The following PEAK1 variants were observed in gnomAD, a reference collection of about 807,000 sequenced individuals.
PEAK1 encodes the protein pseudopodium enriched atypical kinase 1, also known as inactive tyrosine-protein kinase PEAK1.
PEAK1 carries 54 observed loss-of-function variants against 124.7 expected under a neutral mutation model. The observed-to-expected ratio is 0.43, with a 90% CI of 0.35 to 0.54. The LOEUF (loss-of-function observed/expected upper bound fraction) is 0.54. PEAK1 is among the 20% of genes least tolerant of loss of function. The pLI, the probability that PEAK1 is intolerant of heterozygous loss-of-function variation, is 0.01. For synonymous variants in PEAK1, 719 were observed against 760.0 expected, an observed-to-expected ratio of 0.95 and a Z score of 0.89; for missense variants, 2,046 against 2,134.5, an observed-to-expected ratio of 0.96 and a Z score of 0.82.
chr15:77,185,865 G>A (rs1204789893), intron 6 of PEAK1, among the ~76,000 whole-genome samples: 1 of 152,200 alleles, frequency 6.6e-6, no homozygotes, highest in Non-Finnish European at 1.5e-5. Flanking sequence ...TGTTAAAACT[G>A]TGCAGGTTTC....
In PEAK1 at chr15:77,158,465, C is replaced by A. The variant is rs368789986; in HGVS notation, c.3331+38G>T. The stretch of plus-strand genomic sequence containing the variant: ...AACATTTGGCTAGTACAGAAAAAGG[C>A]AAAGTTTAAATACTACTTATTGGAC... On this transcript the variant is annotated intron_variant, in intron 8 of 9. Transcript: ENST00000682557. 1.1e-3 allele frequency: 1,814 copies of A among 1,579,444 alleles called. 43 individuals are homozygous for A. In the South Asian group the frequency reaches 0.019, roughly 17 times the overall value.
rs188881520 is a variant in PEAK1, at chr15:77,213,442, A to G, written c.-114-31402T>C. Among the ~76,000 whole-genome samples the G allele has an allele frequency of 1.2e-3, 180 of 152,306 alleles. 2 individuals are homozygous for G. The highest frequency in any genetic ancestry group is 4.2e-3 in the African/African-American group (175 of 41,558). ...CGCGGTGGCTCATGACTGTAATCCC[A>G]GCACTTTAGGAGGCCGAGGTGGGTG... On this transcript the variant is annotated intron_variant, in intron 6 of 9. Coordinates refer to ENST00000682557, the MANE Select transcript of PEAK1 (RefSeq NM_001385026.1).
At position 77,112,148 on chromosome 15, in the gene PEAK1, T is replaced by C. The variant is rs2051012490; in HGVS notation, c.*2008A>G. On this transcript the variant is annotated 3_prime_UTR_variant, in exon 10 of 10. Transcript: ENST00000682557. Reference sequence around the variant, plus strand: ...TCTGGCTAGAGGAGGCAAGACTCTTTGTGGGCTAACCAGCCTTCTTTCCTG... The same window carrying C: ...TCTGGCTAGAGGAGGCAAGACTCTTCGTGGGCTAACCAGCCTTCTTTCCTG... The C allele has an allele frequency of 6.6e-6, 1 of 152,222 alleles. No homozygotes were observed. Among genetic ancestry groups the C allele is most frequent in the African/African-American group, 2.4e-5 (1 of 41,454 alleles). The allele number at this position is 152,222 out of a possible 1,614,324, so 9.4% of individuals were successfully genotyped here. A position where few individuals can be genotyped will look rare whatever the true frequency, so the allele number is the denominator to read the frequency against.
chr15:77,420,609 T>G (rs1451729151), upstream of PEAK1: 2 of 349,290 alleles, frequency 5.7e-6, no homozygotes. Flanking sequence ...TTCTACTTTC[T>G]GCGGGCCTTC....
At chr15:77,287,777 G>A (rs561219839) in intron 2 of PEAK1, among the ~76,000 whole-genome samples, 4 of 152,232 alleles carry the variant, frequency 2.6e-5, no homozygotes, top group African/African-American at 9.6e-5. Context: ...CCCAAACCGA[G>A]CTGTTCATCT....
chr15:77,418,553 A>C, intron 1 of PEAK1: 1 of 985,156 alleles, frequency 1.0e-6, no homozygotes, highest in African/African-American at 1.7e-5. Flanking sequence ...TCAACTTTGA[A>C]GCCAAGAAAA....
intron 1 of PEAK1, among the ~76,000 whole-genome samples, chr15:77,407,892 T>TATATGCACAC (rs1555504076): frequency 7.2e-6 from 1 of 138,240 alleles, no homozygotes; most frequent in African/African-American, 2.6e-5. Flanking sequence ...GATATATATA[T>TATATGCACAC]ATATATATAC....
chr15:77,241,158 G>A (rs2060339478), intron 6 of PEAK1, among the ~76,000 whole-genome samples: 1 of 152,056 alleles, frequency 6.6e-6, no homozygotes, highest in Non-Finnish European at 1.5e-5. Flanking sequence ...GTTCATCCTG[G>A]AATATACAGA....
chr15:77,133,839 GGT>G lies in PEAK1; in HGVS notation c.3332-91_3332-90del. On this transcript the variant is annotated intron_variant, in intron 8 of 9. Transcript: ENST00000682557. The surrounding 1 kb of genome is among the most constrained non-coding windows in gnomAD (Gnocchi z 4.2). ...CTGAAACTTGAGCAGAAATGAGTGAGGTAGCCATGGGAATGTAAGAATAAGTC... is the reference window on the plus strand; with the variant it reads ...CTGAAACTTGAGCAGAAATGAGTGAGAGCCATGGGAATGTAAGAATAAGTC... 1 of 1,356,514 alleles carries G rather than the reference GGT, an allele frequency of 7.4e-7. No individual in the cohort carries two copies. Among genetic ancestry groups the G allele is most frequent in the Non-Finnish European group, 9.8e-7 (1 of 1,022,272 alleles). The allele number at this position is 1,356,514 out of a possible 1,614,324, so 84.0% of individuals were successfully genotyped here.
At position 77,158,489 on chromosome 15, in the gene PEAK1, A is replaced by T. The variant is rs751482238; in HGVS notation, c.3331+14T>A. On this transcript the variant is annotated intron_variant, in intron 8 of 9. Coordinates refer to ENST00000682557, the MANE Select transcript of PEAK1 (RefSeq NM_001385026.1). ...GCAAAGTTTAAATACTACTTATTGG[A>T]CATTTGCACTTACCTAAGTTGCTGT... The T allele has an allele frequency of 2.5e-6, 4 of 1,609,482 alleles. No homozygotes were observed. The highest frequency in any genetic ancestry group is 1.1e-5 in the South Asian group (1 of 90,980).
chr15:77,375,217 T>C (rs1430686316), intron 1 of PEAK1, among the ~76,000 whole-genome samples: 1 of 152,210 alleles, frequency 6.6e-6, no homozygotes, highest in Non-Finnish European at 1.5e-5. Flanking sequence ...AAATTGTTAA[T>C]TTTCACAACC....
At chr15:77,330,888 T>C (rs140991723) in intron 2 of PEAK1, 2 of 260,024 alleles carry the variant, frequency 7.7e-6, no homozygotes, top group South Asian at 1.5e-4. Flanking sequence ...AGAAATGACC[T>C]GTTTTGTTTT....
intron 1 of PEAK1, among the ~76,000 whole-genome samples, chr15:77,392,392 C>A (rs556340248): frequency 8.5e-5 from 13 of 152,054 alleles, no homozygotes; most frequent in Non-Finnish European, 4.4e-5. Context: ...AGCAAGAGAA[C>A]AAAATAACTC....
At chr15:77,243,583 G>A (rs938101161) in intron 6 of PEAK1, among the ~76,000 whole-genome samples, 3 of 152,166 alleles carry the variant, frequency 2.0e-5, no homozygotes, top group Non-Finnish European at 2.9e-5. Flanking sequence ...ATAGAAGGCC[G>A]AGGGAAAATA....
intron 6 of PEAK1, among the ~76,000 whole-genome samples, chr15:77,234,971 G>A (rs542625418): frequency 3.3e-5 from 5 of 152,076 alleles, no homozygotes; most frequent in South Asian, 4.2e-4. Context: ...GAGATCTGAT[G>A]GTTTTATAAG....
At chr15:77,203,287 C>A (rs1052720724) in intron 6 of PEAK1, among the ~76,000 whole-genome samples, 5 of 151,952 alleles carry the variant, frequency 3.3e-5, no homozygotes. Flanking sequence ...AGTGGACCCA[C>A]GCCGTTCAAA....
intron 2 of PEAK1, among the ~76,000 whole-genome samples, chr15:77,331,852 G>C (rs2065908000): frequency 6.6e-6 from 1 of 151,798 alleles, no homozygotes; most frequent in Non-Finnish European, 1.5e-5. Context: ...TCCTGACCTT[G>C]TGATCTGCCT....
intron 1 of PEAK1, among the ~76,000 whole-genome samples, chr15:77,410,520 C>A (rs546797670): frequency 2.0e-5 from 3 of 152,204 alleles, no homozygotes; most frequent in Admixed American, 1.3e-4. Context: ...CTAACTCTGA[C>A]TTAAACAATG....
At chr15:77,419,590 G>A (rs976880924) in intron 1 of PEAK1, 103 of 985,002 alleles carry the variant, frequency 1.0e-4, no homozygotes, top group Admixed American at 1.8e-4. Context: ...AGGAGCCAGA[G>A]AAGCCCCTCC....
Sources: gnomAD v4.1 joint callset for allele counts (sites outside exome capture counted in the v4.1 genomes callset) on GRCh38, gnomAD v4.1.1 for gene constraint, Gnocchi (gnomAD v3.1) non-coding constraint, MANE v1.5 for transcripts, NCBI Gene and HGNC (gene_info 2026-07-23, HGNC 2026-07-21) for gene names.